CPA6: variants seen among roughly 807,000 people sequenced by gnomAD.
CPA6 encodes carboxypeptidase A6.
Under a neutral mutation model 63.3 loss-of-function variants are expected in CPA6, and 58 were observed. The observed-to-expected ratio is 0.92, with a 90% CI of 0.74 to 1.14. The LOEUF is 1.14. Among genes scored for constraint, CPA6 ranks in the 50% most tolerant of loss-of-function variants. The pLI, the probability that CPA6 is intolerant of heterozygous loss-of-function variation, is 0.00. For missense variants in CPA6, 565 were observed against 526.6 expected (o/e 1.07, Z -0.71); for synonymous variants, 185 against 179.0 (o/e 1.03, Z -0.27).
At chr8:67,448,409 T>C (rs1299676368) in intron 8 of CPA6, among the ~76,000 whole-genome samples, 1 of 151,866 alleles carries the variant, frequency 6.6e-6, no homozygotes, top group Non-Finnish European at 1.5e-5. Context: ...GGTGGGCAGA[T>C]CACTTCCATT....
chr8:67,525,189 C>A (rs905374435), intron 2 of CPA6, among the ~76,000 whole-genome samples: 1 of 152,130 alleles, frequency 6.6e-6, no homozygotes, highest in Admixed American at 6.5e-5. Context: ...TTTACATAGG[C>A]CCATCCTTTC....
At chr8:67,496,109 C>T (rs1189971205) in intron 6 of CPA6, among the ~76,000 whole-genome samples, 1 of 152,148 alleles carries the variant, frequency 6.6e-6, no homozygotes, top group East Asian at 1.9e-4. Flanking sequence ...CACAAAGCTT[C>T]CCCAAACCTT....
At chr8:67,643,717 T>A (rs1427554289) in intron 1 of CPA6, among the ~76,000 whole-genome samples, 1 of 152,194 alleles carries the variant, frequency 6.6e-6, no homozygotes, top group Admixed American at 6.5e-5. Flanking sequence ...GTGTTTGTTG[T>A]ATAATTATTT....
intron 8 of CPA6, among the ~76,000 whole-genome samples, chr8:67,447,048 A>G (rs1367007443): frequency 1.1e-5 from 1 of 87,146 alleles, no homozygotes; most frequent in Non-Finnish European, 2.2e-5. Context: ...ATATATATAT[A>G]CACACACATA....
intron 1 of CPA6, among the ~76,000 whole-genome samples, chr8:67,633,375 C>T (rs1389196517): frequency 5.3e-5 from 8 of 152,114 alleles, no homozygotes; most frequent in African/African-American, 1.4e-4. Context: ...TTTTCTTCCT[C>T]TTTCTTGGAT....
At chr8:67,532,486 G>A (rs1426612858) in intron 2 of CPA6, among the ~76,000 whole-genome samples, 1 of 152,076 alleles carries the variant, frequency 6.6e-6, no homozygotes, top group East Asian at 1.9e-4. Context: ...AGACCAGCCT[G>A]AGAAACATGG....
chr8:67,538,509 CCTG>C (rs796519577), intron 2 of CPA6, among the ~76,000 whole-genome samples: 1 of 142,280 alleles, frequency 7.0e-6, no homozygotes, highest in African/African-American at 2.7e-5. Context: ...GATTGCAACC[CCTG>C]TTTTTTTTTT....
intron 8 of CPA6, among the ~76,000 whole-genome samples, chr8:67,441,957 G>T (rs1563954204): frequency 1.3e-5 from 2 of 152,098 alleles, no homozygotes; most frequent in Non-Finnish European, 2.9e-5. Flanking sequence ...TACATGCAGG[G>T]TGAACAGTGG....
At position 67,462,280 on chromosome 8, in the gene CPA6, C is replaced by T. The variant is rs531090127; in HGVS notation, c.838+21488G>A. Among the ~76,000 whole-genome samples the T allele has an allele frequency of 5.3e-5, 8 of 152,196 alleles. No homozygotes were observed. The South Asian group carries it at 1.5e-3, about 28-fold the overall frequency. On this transcript the variant is annotated intron_variant, in intron 8 of 10. Coordinates refer to ENST00000297770, the MANE Select transcript of CPA6 (RefSeq NM_020361.5). ...TATTTTTTTACATCTATTGATCTTA[C>T]CTTGCTTTGTTCAACTGTGTGTGTG... is the stretch of plus-strand genomic sequence containing the variant.
chr8:67,621,291 G>A (rs1564027320), intron 2 of CPA6, among the ~76,000 whole-genome samples: 1 of 152,146 alleles, frequency 6.6e-6, no homozygotes, highest in Non-Finnish European at 1.5e-5. Context: ...CTGTGAGTAG[G>A]ACTATATGCT....
chr8:67,590,736 GT>G (rs1469226892), intron 2 of CPA6, among the ~76,000 whole-genome samples: 3 of 151,264 alleles, frequency 2.0e-5, no homozygotes, highest in Admixed American at 6.6e-5. Context: ...TGATGGGGTT[GT>G]TTTTTTCTTG....
chr8:67,738,095 C>A (rs1563415202), intron 1 of CPA6, among the ~76,000 whole-genome samples: 2 of 150,298 alleles, frequency 1.3e-5, no homozygotes, highest in Non-Finnish European at 3.0e-5. Flanking sequence ...ATTGTTATTT[C>A]AAAAAAAAAC....
At chr8:67,456,879 A>G (rs1238335580) in intron 8 of CPA6, among the ~76,000 whole-genome samples, 3 of 152,230 alleles carry the variant, frequency 2.0e-5, no homozygotes, top group Non-Finnish European at 4.4e-5. Context: ...ACAGCAGAAG[A>G]GTGGACAGAT....
At chr8:67,602,177 AG>A (rs1564018917) in intron 2 of CPA6, among the ~76,000 whole-genome samples, 1 of 152,174 alleles carries the variant, frequency 6.6e-6, no homozygotes, top group East Asian at 1.9e-4. Flanking sequence ...ATTAATATAT[AG>A]GGATATATAA....
chr8:67,466,172 CT>C, intron 8 of CPA6, among the ~76,000 whole-genome samples: 1 of 142,048 alleles, frequency 7.0e-6, no homozygotes, highest in East Asian at 2.2e-4. Flanking sequence ...CAGTTTCTTA[CT>C]GATTCAATCT....
At chr8:67,519,038 A>G (rs2128967022) in intron 2 of CPA6, among the ~76,000 whole-genome samples, 1 of 152,120 alleles carries the variant, frequency 6.6e-6, no homozygotes, top group East Asian at 1.9e-4. Flanking sequence ...CCATTTGGTT[A>G]CCACCCATCC....
chr8:67,644,326 G>C (rs1815665802), intron 1 of CPA6, among the ~76,000 whole-genome samples: 1 of 152,126 alleles, frequency 6.6e-6, no homozygotes, highest in Admixed American at 6.5e-5. Context: ...CACCATGTTA[G>C]CCAGGATGGT....
intron 9 of CPA6, among the ~76,000 whole-genome samples, chr8:67,432,498 C>G (rs990973526): frequency 6.6e-6 from 1 of 152,116 alleles, no homozygotes; most frequent in African/African-American, 2.4e-5. Flanking sequence ...CTCACTCTGT[C>G]TCCCTGGCTG....
At chr8:67,442,358 G>A (rs1478782474) in intron 8 of CPA6, among the ~76,000 whole-genome samples, 1 of 151,506 alleles carries the variant, frequency 6.6e-6, no homozygotes, top group Non-Finnish European at 1.5e-5. Flanking sequence ...ATAATATAAT[G>A]TAATATGTAA....
Sources: allele counts gnomAD v4.1 joint callset (sites outside exome capture counted in the v4.1 genomes callset), GRCh38; gene constraint gnomAD v4.1.1; transcripts MANE v1.5; gene names NCBI Gene and HGNC (gene_info 2026-07-23, HGNC 2026-07-21).